The following ANKRD16 variants were observed in gnomAD, a reference collection of about 807,000 sequenced individuals.
ANKRD16 encodes the protein ankyrin repeat domain-containing protein 16.
In ANKRD16, 35 loss-of-function variants were observed where a neutral mutation model predicts 37.9. The observed-to-expected ratio is 0.92, with a 90% CI of 0.71 to 1.23. The LOEUF is 1.23. Ranked by LOEUF, ANKRD16 falls within the 50% of genes most tolerant of loss-of-function variation. The probability of loss-of-function intolerance (pLI) is 0.00; values close to 1 mark genes in which losing one functional copy is unlikely to be tolerated. For missense variants in ANKRD16, 480 were observed against 469.9 expected, an observed-to-expected ratio of 1.02 and a Z score of -0.20; for synonymous variants, 206 against 197.2, an observed-to-expected ratio of 1.04 and a Z score of -0.37.
intron 1 of ANKRD16, among the ~76,000 whole-genome samples, chr10:5,888,411 C>A (rs187809841): frequency 6.6e-6 from 1 of 152,188 alleles, no homozygotes; most frequent in Non-Finnish European, 1.5e-5. Flanking sequence ...TATTCCCCTG[C>A]CCCAGTGGGG....
chr10:5,872,768 A>T (rs10466293), intron 7 of ANKRD16, among the ~76,000 whole-genome samples: 8 of 151,310 alleles, frequency 5.3e-5, no homozygotes, highest in Non-Finnish European at 1.0e-4. Flanking sequence ...GTGTTAGCCA[A>T]GATGGTCTTA....
At chr10:5,872,467 A>G (rs772233150) in intron 7 of ANKRD16, among the ~76,000 whole-genome samples, 21 of 152,178 alleles carry the variant, frequency 1.4e-4, no homozygotes, top group Non-Finnish European at 2.4e-4. Context: ...TGACACAGCA[A>G]GACTGTCTCC....
At chr10:5,867,939 T>C (rs1318644940) in intron 7 of ANKRD16, among the ~76,000 whole-genome samples, 1 of 152,180 alleles carries the variant, frequency 6.6e-6, no homozygotes. Context: ...TGCACCTTCT[T>C]AGGGGAAGAG....
intron 6 of ANKRD16, among the ~76,000 whole-genome samples, chr10:5,879,028 A>C (rs969835941): frequency 6.6e-6 from 1 of 152,208 alleles, no homozygotes; most frequent in Non-Finnish European, 1.5e-5. Context: ...AGAAATCAGC[A>C]CTGAGGTTCC....
rs561409801 is a variant in ANKRD16 at position 5,877,028 on chromosome 10, G to T, written c.*33+1069C>A. On this transcript the variant is annotated intron_variant, in intron 7 of 7. Transcript: ENST00000380094. ...AGGCTTCCGTGGGTGGATGGGACAG[G>T]CCAGAAAAATGGGTTTTAAAGACAA... Among the ~76,000 whole-genome samples the T allele has an allele frequency of 5.3e-5, 8 of 152,330 alleles. No individual in the cohort carries two copies. The East Asian group carries it at 1.5e-3, about 29-fold the overall frequency.
Position 5,869,732 on chromosome 10 carries a change from G to A in ANKRD16, c.*34-7041C>T, listed in dbSNP as rs543068714. Among the ~76,000 whole-genome samples the A allele has an allele frequency of 6.7e-4, 83 of 123,612 alleles. No homozygotes were observed. Among genetic ancestry groups the A allele is most frequent in the African/African-American group, 2.4e-3 (75 of 31,886 alleles). 81.1% of individuals were successfully genotyped at this position (123,612 alleles called of 152,430 possible). A position where few individuals can be genotyped will look rare whatever the true frequency, so the allele number is the denominator to read the frequency against. On this transcript the variant is annotated intron_variant, in intron 7 of 7. Coordinates refer to ENST00000380094, the MANE Select transcript of ANKRD16 (RefSeq NM_019046.3). The surrounding 1 kb of genome is among the most constrained non-coding windows in gnomAD (Gnocchi z 4.0). ...GCTACTCAATGCAGCAGCTATGGCCGCCCCTGGGAACTAGCTGGAAGCAGC... is the reference window on the plus strand; with the variant it reads ...GCTACTCAATGCAGCAGCTATGGCCACCCCTGGGAACTAGCTGGAAGCAGC...
At chr10:5,888,959 C>A in intron 1 of ANKRD16, 82 bp downstream of exon 1, 1 of 1,386,914 alleles carries the variant, frequency 7.2e-7, no homozygotes, top group South Asian at 1.5e-5. Context: ...CTACGGTGTC[C>A]AAGGGGACGG....
rs1589011520 is a variant in ANKRD16, at chr10:5,864,780, CAAA to C, written c.*34-2092_*34-2090del. The stretch of plus-strand genomic sequence containing the variant: ...TCTGCTGATCTGTGTTCTAGAAGGA[CAAA>C]GGAGAATTAGGAAAAAGCCTGTGAA... On this transcript the variant is annotated intron_variant, in intron 7 of 7. Transcript: ENST00000380094. This position sits in a 1 kb window ranked among gnomAD's most constrained non-coding sequence, Gnocchi z 4.4. Among the ~76,000 whole-genome samples, 1 of 152,074 alleles carries C rather than the reference CAAA, an allele frequency of 6.6e-6. No individual in the cohort carries two copies. Among genetic ancestry groups the C allele is most frequent in the East Asian group, 1.9e-4 (1 of 5,192 alleles).
At chr10:5,885,631 TAAAAA>T in intron 3 of ANKRD16, 87 bp downstream of exon 3, 1 of 1,411,464 alleles carries the variant, frequency 7.1e-7, no homozygotes, top group East Asian at 2.4e-5. Context: ...ATTTTTTTCT[TAAAAA>T]TGTGTCTGAG....
At position 5,878,247 on chromosome 10, in the gene ANKRD16, G is replaced by A. The variant is rs930128528; in HGVS notation, c.969C>T (p.Ala323=). The A allele has an allele frequency of 6.2e-7, 1 of 1,614,048 alleles. No individual in the cohort carries two copies. The highest frequency in any genetic ancestry group is 1.7e-5 in the Admixed American group (1 of 60,018). Residue 323 remains alanine (A), a synonymous_variant, in exon 7 of 8, where the codon GCC becomes GCT. Coordinates refer to ENST00000380094, the MANE Select transcript of ANKRD16 (RefSeq NM_019046.3). This position sits in a 1 kb window ranked among gnomAD's most constrained non-coding sequence, Gnocchi z 5.1. ...TCAGTCCCGACTGCAGGAGAAACTT[G>A]GCACAGGCCAAGTGCTGACCTGCAC... ...LACAGQHLAC[A]KFLLQSGLKD...
rs1377426731 is a variant in ANKRD16 at position 5,874,688 on chromosome 10, T to G, written c.*33+3409A>C. Among the ~76,000 whole-genome samples the G allele has an allele frequency of 6.6e-6, 1 of 152,086 alleles. No homozygotes were observed. The highest frequency in any genetic ancestry group is 2.4e-5 in the African/African-American group (1 of 41,414). ...GGGGAAGGCTGGGTTTTGAATAAAC[T>G]GAATGTGAGATGGCCTCAGAACATC... On this transcript the variant is annotated intron_variant, in intron 7 of 7. Coordinates refer to ENST00000380094, the MANE Select transcript of ANKRD16 (RefSeq NM_019046.3). The surrounding 1 kb of genome is among the most constrained non-coding windows in gnomAD (Gnocchi z 4.7).
In ANKRD16 at chr10:5,864,581, G is replaced by T. The variant is rs1207142464; in HGVS notation, c.*34-1890C>A. 1.3e-5 allele frequency among the ~76,000 whole-genome samples: 2 copies of T among 152,166 alleles called. No homozygotes were observed. Among genetic ancestry groups the T allele is most frequent in the Non-Finnish European group, 2.9e-5 (2 of 68,046 alleles). On this transcript the variant is annotated intron_variant, in intron 7 of 7. Transcript: ENST00000380094. This position sits in a 1 kb window ranked among gnomAD's most constrained non-coding sequence, Gnocchi z 4.4. Reference sequence around the variant, plus strand: ...ATCACACCCTGGCCTTTAATGAAAAGAATGCGGCTTTAGCTGCAGCCCGAG... The same window carrying T: ...ATCACACCCTGGCCTTTAATGAAAATAATGCGGCTTTAGCTGCAGCCCGAG...
At position 5,885,773 on chromosome 10, in the gene ANKRD16, G is replaced by A; in HGVS notation, c.536-8C>T. 6.3e-7 allele frequency: 1 copy of A among 1,597,346 alleles called. No individual in the cohort carries two copies. The highest frequency in any genetic ancestry group is 1.1e-5 in the South Asian group (1 of 87,238). On this transcript the variant is annotated splice_polypyrimidine_tract_variant and splice_region_variant and intron_variant, in intron 2 of 7. Coordinates refer to ENST00000380094, the MANE Select transcript of ANKRD16 (RefSeq NM_019046.3). ...CCAAATGGCCATGCATTGCTGGGAG[G>A]AGAAAGAAAGCTGAGAATTAGAGCT...
rs1417649711 is a variant in ANKRD16 at position 5,870,842 on chromosome 10, T to C, written c.*33+7255A>G. The stretch of plus-strand genomic sequence containing the variant: ...GTTGGTTGAAATGCCTGCAGAACCC[T>C]CCTGTTGCTGTGCTCAGGCCAGAAG... On this transcript the variant is annotated intron_variant, in intron 7 of 7. Coordinates refer to ENST00000380094, the MANE Select transcript of ANKRD16 (RefSeq NM_019046.3). This position sits in a 1 kb window ranked among gnomAD's most constrained non-coding sequence, Gnocchi z 5.0. Among the ~76,000 whole-genome samples, 1 of 152,120 alleles carries C rather than the reference T, an allele frequency of 6.6e-6. No homozygotes were observed. Among genetic ancestry groups the C allele is most frequent in the Non-Finnish European group, 1.5e-5 (1 of 68,010 alleles).
chr10:5,873,016 C>A (rs1223985810), intron 7 of ANKRD16, among the ~76,000 whole-genome samples: 1 of 146,206 alleles, frequency 6.8e-6, no homozygotes, highest in Non-Finnish European at 1.5e-5. Context: ...TGCCCCACCA[C>A]ACCTGGCTAA....
chr10:5,878,134 G>A lies in ANKRD16; in HGVS notation c.1082C>T (p.Thr361Ile), dbSNP rs1459136238. 2 of 1,613,826 alleles carry A rather than the reference G, an allele frequency of 1.2e-6. No individual in the cohort carries two copies. Among genetic ancestry groups the A allele is most frequent in the Non-Finnish European group, 1.7e-6 (2 of 1,179,870 alleles). ...TGCCTCCTCTTGGAAACATCCTTAT[G>A]TCATTGCGCTATGGCCAGAGCCCTG... ...VLQGSGHSAM[T>I] Residue 361 changes from threonine to isoleucine, a missense_variant, in exon 7 of 8, where the codon ACA becomes ATA. Physicochemically the swap from Thr to Ile is moderately conservative, Grantham distance 89 (BLOSUM62 -1). Transcript: ENST00000380094. This position sits in a 1 kb window ranked among gnomAD's most constrained non-coding sequence, Gnocchi z 5.1.
At chr10:5,867,734 A>G (rs1589013253) in intron 7 of ANKRD16, among the ~76,000 whole-genome samples, 1 of 152,312 alleles carries the variant, frequency 6.6e-6, no homozygotes, top group South Asian at 2.1e-4. Flanking sequence ...TGCTACAGGA[A>G]CCGGAATAGC....
chr10:5,878,182 A>T lies in ANKRD16; in HGVS notation c.1034T>A (p.Leu345His), dbSNP rs142676423. Residue 345 changes from leucine to histidine, a missense_variant, in exon 7 of 8, where the codon CTC becomes CAC. Transcript: ENST00000380094. The surrounding 1 kb of genome is among the most constrained non-coding windows in gnomAD (Gnocchi z 5.1). ...EDITGTLAQQLPRRADVLQGS... is the reference protein window; with the variant it reads ...EDITGTLAQQHPRRADVLQGS... Reference sequence around the variant, plus strand: ...CTGAAGGACATCTGCTCTCCTTGGGAGCTGCTGAGCCAGGGTGCCCGTGAT... The same window carrying T: ...CTGAAGGACATCTGCTCTCCTTGGGTGCTGCTGAGCCAGGGTGCCCGTGAT... The T allele has an allele frequency of 2.5e-6, 4 of 1,614,150 alleles. No homozygotes were observed. The African/African-American group carries it at 5.3e-5, about 22-fold the overall frequency.
At chr10:5,881,800 G>A (rs1404436986) in intron 5 of ANKRD16, among the ~76,000 whole-genome samples, 1 of 150,324 alleles carries the variant, frequency 6.7e-6, no homozygotes, top group African/African-American at 2.4e-5. Context: ...CCATTCTCCT[G>A]CCTCAGTCTC....
Sources: gnomAD v4.1 joint callset for allele counts (sites outside exome capture counted in the v4.1 genomes callset) on GRCh38, gnomAD v4.1.1 for gene constraint, Gnocchi (gnomAD v3.1) non-coding constraint, MANE v1.5 for transcripts, NCBI Gene and HGNC (gene_info 2026-07-23, HGNC 2026-07-21) for gene names.